CLASP1: variants seen among roughly 807,000 people sequenced by gnomAD.
CLASP1 encodes the protein cytoplasmic linker associated protein 1.
Under a neutral mutation model 192.3 loss-of-function variants are expected in CLASP1, and 38 were observed. The ratio of observed to expected loss-of-function variants is 0.20; its 90% CI spans 0.15 to 0.26. The LOEUF (loss-of-function observed/expected upper bound fraction) is 0.26. Ranked by LOEUF, CLASP1 falls within the 10% of genes least tolerant of loss-of-function variation. The probability of loss-of-function intolerance (pLI) is 1.00; values close to 1 mark genes in which losing one functional copy is unlikely to be tolerated. For missense variants in CLASP1, 1,433 were observed against 1,932.5 expected, an observed-to-expected ratio of 0.74 and a Z score of 4.85; for synonymous variants, 691 against 712.8, an observed-to-expected ratio of 0.97 and a Z score of 0.49.
chr2:121,530,885 T>G (rs1208611147), intron 2 of CLASP1: 2 of 693,034 alleles, frequency 2.9e-6, no homozygotes, highest in Non-Finnish European at 5.3e-6. Context: ...ATTATAACCA[T>G]CCTTTTCTTG....
intron 2 of CLASP1, among the ~76,000 whole-genome samples, chr2:121,550,021 A>C (rs1270424462): frequency 6.6e-6 from 1 of 151,484 alleles, no homozygotes; most frequent in Non-Finnish European, 1.5e-5. Context: ...AAAAAAAAAA[A>C]AAAAAACCTG....
chr2:121,426,603 C>G (rs1225219677), intron 21 of CLASP1, among the ~76,000 whole-genome samples: 3 of 152,082 alleles, frequency 2.0e-5, no homozygotes, highest in Non-Finnish European at 4.4e-5. Context: ...CCTTTCCACA[C>G]ATGAATATTA....
chr2:121,639,386 A>G (rs1434493851), intron 1 of CLASP1, among the ~76,000 whole-genome samples: 4 of 152,218 alleles, frequency 2.6e-5, no homozygotes, highest in African/African-American at 7.2e-5. Context: ...CAGAATAGGC[A>G]AATCCATTGA....
At chr2:121,531,010 G>A (rs774680213) in intron 2 of CLASP1, 109 of 700,132 alleles carry the variant, frequency 1.6e-4, no homozygotes, top group South Asian at 5.5e-4. Context: ...TTGGAAAAAT[G>A]AAAACCTGTT....
chr2:121,470,651 T>G (rs1405308691), intron 8 of CLASP1: 2 of 453,492 alleles, frequency 4.4e-6, no homozygotes, highest in Admixed American at 4.8e-5. Context: ...TTCCTACACT[T>G]TTTTTTGTTT....
chr2:121,398,786 G>A (rs1033396664), intron 28 of CLASP1, among the ~76,000 whole-genome samples: 6 of 151,996 alleles, frequency 3.9e-5, no homozygotes, highest in South Asian at 2.1e-4. Context: ...CATCCTGACC[G>A]GGCTGCTTAC....
chr2:121,534,255 C>CT (rs1268923135), intron 2 of CLASP1, among the ~76,000 whole-genome samples: 1 of 152,166 alleles, frequency 6.6e-6, no homozygotes, highest in African/African-American at 2.4e-5. Context: ...AGTTGGTGAC[C>CT]TAGTTAACCC....
intron 2 of CLASP1, among the ~76,000 whole-genome samples, chr2:121,588,446 T>G (rs1028408181): frequency 6.6e-6 from 1 of 152,136 alleles, no homozygotes; most frequent in African/African-American, 2.4e-5. Context: ...AATCCTCGAT[T>G]TAAAGAGGTT....
intron 39 of CLASP1, among the ~76,000 whole-genome samples, chr2:121,346,727 A>C (rs915897681): frequency 6.6e-6 from 1 of 152,236 alleles, no homozygotes; most frequent in African/African-American, 2.4e-5. Flanking sequence ...AAATTTCTTT[A>C]GTGTTTCCAT....
In CLASP1 at chr2:121,422,785, G is replaced by C. The variant is rs374539455; in HGVS notation, c.2212+2354C>G. ...TAAGAAGTATCATTTCAAACAAAAA[G>C]AGGCATAGTTGAACCAAACACGATT... is the stretch of plus-strand genomic sequence containing the variant. On this transcript the variant is annotated intron_variant, in intron 22 of 39. Transcript: ENST00000263710. Among the ~76,000 whole-genome samples the C allele has an allele frequency of 4.5e-4, 68 of 152,254 alleles. No homozygotes were observed. In the East Asian group the frequency reaches 5.6e-3, roughly 13 times the overall value.
chr2:121,569,306 C>A (rs1188757010), intron 2 of CLASP1, among the ~76,000 whole-genome samples: 1 of 152,102 alleles, frequency 6.6e-6, no homozygotes, highest in Non-Finnish European at 1.5e-5. Context: ...GCTCATAACA[C>A]AGAGATCGGG....
At chr2:121,625,618 A>G (rs1045511440) in intron 1 of CLASP1, among the ~76,000 whole-genome samples, 25 of 151,676 alleles carry the variant, frequency 1.6e-4, no homozygotes, top group African/African-American at 6.0e-4. Flanking sequence ...TATTTTTAGA[A>G]GAGACGGGTT....
intron 39 of CLASP1, among the ~76,000 whole-genome samples, chr2:121,345,980 T>C (rs6712661): frequency 0.21 from 32,245 of 152,080 alleles, 6,539 homozygotes; most frequent in African/African-American, 0.53. Flanking sequence ...GTAGAGAAAC[T>C]CTGCTCTGAA....
chr2:121,589,128 G>A (rs1559697686), intron 2 of CLASP1, among the ~76,000 whole-genome samples: 2 of 152,158 alleles, frequency 1.3e-5, no homozygotes, highest in African/African-American at 2.4e-5. Flanking sequence ...TCGCCACCAA[G>A]TCCCCAGTGC....
intron 2 of CLASP1, among the ~76,000 whole-genome samples, chr2:121,591,800 T>C (rs1215614387): frequency 2.0e-5 from 3 of 152,178 alleles, no homozygotes; most frequent in Non-Finnish European, 4.4e-5. Flanking sequence ...TTCCTACCAG[T>C]CATCAAAGAA....
At chr2:121,418,889 A>G (rs1474354159) in intron 22 of CLASP1, among the ~76,000 whole-genome samples, 160 bp from the exon 23 acceptor site, 1 of 152,158 alleles carries the variant, frequency 6.6e-6, no homozygotes, top group Non-Finnish European at 1.5e-5. Flanking sequence ...GGTCTCACTG[A>G]CTGACGTGCC....
intron 8 of CLASP1, among the ~76,000 whole-genome samples, chr2:121,473,122 G>A (rs1406064849): frequency 6.6e-6 from 1 of 152,100 alleles, no homozygotes; most frequent in Non-Finnish European, 1.5e-5. Flanking sequence ...GGAAGAAAAT[G>A]TGGCCCATAA....
chr2:121,365,077 C>G lies in CLASP1; in HGVS notation c.4077+17G>C. 6.2e-7 allele frequency: 1 copy of G among 1,613,720 alleles called. No individual in the cohort carries two copies. The highest frequency in any genetic ancestry group is 8.5e-7 in the Non-Finnish European group (1 of 1,179,722). On this transcript the variant is annotated intron_variant, in intron 36 of 39. Coordinates refer to ENST00000263710, the Ensembl canonical transcript of CLASP1. The stretch of plus-strand genomic sequence containing the variant: ...TTACATGGAAAGGGGCAAGATAAGG[C>G]CAAACCAGCATCTCACGTCTTTGTC...
In CLASP1 at chr2:121,350,967, G is replaced by A. The variant is rs556016913; in HGVS notation, c.4207-2249C>T. The stretch of plus-strand genomic sequence containing the variant: ...CATTACAATATAACCTTTGTAGCAA[G>A]GAAAATGTATTCCAGAAAATCTACT... On this transcript the variant is annotated intron_variant, in intron 37 of 39. Transcript: ENST00000263710. 7.9e-5 allele frequency among the ~76,000 whole-genome samples: 12 copies of A among 152,334 alleles called. No individual in the cohort carries two copies. The East Asian group carries it at 2.3e-3, about 29-fold the overall frequency.
Sources: allele counts gnomAD v4.1 joint callset (sites outside exome capture counted in the v4.1 genomes callset), GRCh38; gene constraint gnomAD v4.1.1; transcripts MANE v1.5; gene names NCBI Gene and HGNC (gene_info 2026-07-23, HGNC 2026-07-21).